TBL1XR1: variants seen among roughly 807,000 people sequenced by gnomAD.
TBL1XR1 encodes the protein TBL1X/Y related 1.
Under a neutral mutation model 66.9 loss-of-function variants are expected in TBL1XR1, and 5 were observed. That is an observed-to-expected ratio of 0.07 (90% CI 0.04 to 0.16). The LOEUF (loss-of-function observed/expected upper bound fraction) is 0.16. Ranked by LOEUF, TBL1XR1 falls within the 10% of genes least tolerant of loss-of-function variation. The pLI, the probability that TBL1XR1 is intolerant of heterozygous loss-of-function variation, is 1.00. For synonymous variants in TBL1XR1, 210 were observed against 206.0 expected (o/e 1.02, Z -0.17); for missense variants, 238 against 623.2 (o/e 0.38, Z 6.58).
chr3:177,189,897 A>G (rs937345438), intron 1 of TBL1XR1, among the ~76,000 whole-genome samples: 1 of 152,150 alleles, frequency 6.6e-6, no homozygotes, highest in African/African-American at 2.4e-5. Context: ...GCTGTAAAAC[A>G]GTGAGATCTA....
intron 10 of TBL1XR1, chr3:177,044,751 C>CT: frequency 6.6e-6 from 1 of 152,228 alleles, no homozygotes; most frequent in South Asian, 2.1e-4. Context: ...CGTAAAAATA[C>CT]TTTGATACTA....
In TBL1XR1 at chr3:177,125,449, A is replaced by G. The variant is rs139250274; in HGVS notation, c.-121-26908T>C. 1.6e-3 allele frequency among the ~76,000 whole-genome samples: 250 copies of G among 152,302 alleles called. 2 individuals carry two copies. Among genetic ancestry groups the G allele is most frequent in the African/African-American group, 5.8e-3 (242 of 41,580 alleles). On this transcript the variant is annotated intron_variant, in intron 1 of 15. Transcript: ENST00000457928. The stretch of plus-strand genomic sequence containing the variant: ...AAACCCTCATTCACTGCTGGTGGAA[A>G]TGCAAAATGCTGCAGTCCTTTGGAA...
chr3:177,189,917 TCTTAA>T (rs1375622724), intron 1 of TBL1XR1, among the ~76,000 whole-genome samples: 1 of 152,002 alleles, frequency 6.6e-6, no homozygotes, highest in African/African-American at 2.4e-5. Flanking sequence ...AAAAACACTA[TCTTAA>T]CTTAGGTACA....
At chr3:177,051,378 G>T in intron 5 of TBL1XR1, 126 bp downstream of exon 5, 1 of 832,796 alleles carries the variant, frequency 1.2e-6, no homozygotes, top group Non-Finnish European at 1.8e-6. Flanking sequence ...GAAATAGTCT[G>T]TACAACAAAC....
chr3:177,113,501 A>G (rs1272330023), intron 1 of TBL1XR1, among the ~76,000 whole-genome samples: 2 of 152,156 alleles, frequency 1.3e-5, no homozygotes, highest in African/African-American at 4.8e-5. Context: ...ACTTAAGACA[A>G]CTCAATAACA....
chr3:177,098,664 TC>T (rs1179843855), intron 1 of TBL1XR1, 123 bp from the exon 2 acceptor site: 1 of 371,222 alleles, frequency 2.7e-6, no homozygotes, highest in Non-Finnish European at 3.7e-6. Flanking sequence ...AATTTCTTTC[TC>T]CCCCAAGTAA....
chr3:177,101,930 A>C (rs911617739), intron 1 of TBL1XR1, among the ~76,000 whole-genome samples: 4 of 152,172 alleles, frequency 2.6e-5, no homozygotes, highest in African/African-American at 9.7e-5. Flanking sequence ...ATGAGGGTAC[A>C]AATTTGAACC....
At chr3:177,037,806 ATCT>A (rs1715024867) in intron 12 of TBL1XR1, 1 of 251,468 alleles carries the variant, frequency 4.0e-6, no homozygotes, top group Non-Finnish European at 7.6e-6. Context: ...CCATCCATCC[ATCT>A]TCTTATTGGT....
chr3:177,163,972 A>G (rs746339835), intron 1 of TBL1XR1: 1 of 152,194 alleles, frequency 6.6e-6, no homozygotes, highest in Non-Finnish European at 1.5e-5. Flanking sequence ...ATATACCTTT[A>G]CTCACCTCAA....
At chr3:177,131,282 T>A in intron 1 of TBL1XR1, 1 of 957,384 alleles carries the variant, frequency 1.0e-6, no homozygotes, top group Non-Finnish European at 1.2e-6. Flanking sequence ...TCAAAAGCTA[T>A]TTGCCTAATC....
chr3:177,160,399 G>A (rs753896003), intron 1 of TBL1XR1, among the ~76,000 whole-genome samples: 27 of 151,906 alleles, frequency 1.8e-4, no homozygotes, highest in Admixed American at 7.2e-4. Context: ...GCGCGAACCC[G>A]GGAGACTGAG....
chr3:177,156,388 A>C (rs1469749390), intron 1 of TBL1XR1, among the ~76,000 whole-genome samples: 1 of 151,300 alleles, frequency 6.6e-6, no homozygotes, highest in Non-Finnish European at 1.5e-5. Flanking sequence ...AATCCCAGCT[A>C]CTCGGGAGGC....
At chr3:177,046,066 T>A (rs759347588) in intron 10 of TBL1XR1, 63 bp downstream of exon 10, 92 of 1,282,760 alleles carry the variant, frequency 7.2e-5, no homozygotes, top group Non-Finnish European at 5.4e-5. Flanking sequence ...TATATGCTGT[T>A]AAAAGTTTAA....
intron 1 of TBL1XR1, among the ~76,000 whole-genome samples, chr3:177,133,244 G>A (rs756671524): frequency 2.0e-4 from 30 of 152,042 alleles, no homozygotes; most frequent in Admixed American, 5.9e-4. Context: ...CTAAGATTGC[G>A]CCACTGCACT....
rs1475142222 is a variant in TBL1XR1, at chr3:177,047,565, ATTTC to A, written c.703-20_703-17del. 8 of 1,607,660 alleles carry A rather than the reference ATTTC, an allele frequency of 5.0e-6. No homozygotes were observed. The highest frequency in any genetic ancestry group is 6.0e-6 in the Non-Finnish European group (7 of 1,175,602). The stretch of plus-strand genomic sequence containing the variant: ...TACCTTCACTCTGCCAGAGAAAAAC[ATTTC>A]TTTAATTATATAATCTAGATACGGT... On this transcript the variant is annotated splice_polypyrimidine_tract_variant and intron_variant, in intron 7 of 15. Transcript: ENST00000457928.
rs1730264490 is a variant in TBL1XR1 at position 177,146,512 on chromosome 3, C to T, written c.-121-47971G>A. Reference sequence around the variant, plus strand: ...CCATGTTGGCCAGGCTGGTCTCGAACCCAGGAGGCGGAGGTTGTGGTAAGC... The same window carrying T: ...CCATGTTGGCCAGGCTGGTCTCGAATCCAGGAGGCGGAGGTTGTGGTAAGC... On this transcript the variant is annotated intron_variant, in intron 1 of 15. Coordinates refer to ENST00000457928, the MANE Select transcript of TBL1XR1 (RefSeq NM_024665.7). Among the ~76,000 whole-genome samples, 4 of 141,612 alleles carry T rather than the reference C, an allele frequency of 2.8e-5. No homozygotes were observed. The South Asian group carries it at 8.8e-4, about 31-fold the overall frequency. The allele number at this position is 141,612 out of a possible 152,430, so 92.9% of individuals were successfully genotyped here. A position where few individuals can be genotyped will look rare whatever the true frequency, so the allele number is the denominator to read the frequency against.
intron 10 of TBL1XR1, chr3:177,045,040 A>G (rs1716137348): frequency 6.6e-6 from 1 of 152,150 alleles, no homozygotes; most frequent in Non-Finnish European, 1.5e-5. Context: ...AATCAAGTTG[A>G]ATTGTTTAAC....
At chr3:177,038,003 C>CT (rs1296854797) in intron 12 of TBL1XR1, 95 bp downstream of exon 12, 42 of 1,044,484 alleles carry the variant, frequency 4.0e-5, no homozygotes, top group Non-Finnish European at 5.4e-5. Flanking sequence ...TACAAACACT[C>CT]CATGTAAGAC....
At chr3:177,171,436 C>T (rs1166676863) in intron 1 of TBL1XR1, 3 of 152,280 alleles carry the variant, frequency 2.0e-5, no homozygotes, top group Admixed American at 2.0e-4. Flanking sequence ...TGGCTCACAC[C>T]TGTAATCCTA....
Sources: allele counts gnomAD v4.1 joint callset (sites outside exome capture counted in the v4.1 genomes callset), GRCh38; gene constraint gnomAD v4.1.1; transcripts MANE v1.5; gene names NCBI Gene and HGNC (gene_info 2026-07-23, HGNC 2026-07-21).